Variants in IDE observed in about 807,000 individuals in gnomAD.
IDE encodes the protein insulin degrading enzyme, also known as insulin-degrading enzyme.
In IDE, 58 loss-of-function variants were observed where a neutral mutation model predicts 133.2. The ratio of observed to expected loss-of-function variants is 0.44; its 90% CI spans 0.35 to 0.54. IDE has a LOEUF of 0.54. IDE is among the 20% of genes least tolerant of loss of function. The pLI is 0.00. For missense variants in IDE, 981 were observed against 1,234.0 expected, an observed-to-expected ratio of 0.79 and a Z score of 3.07; for synonymous variants, 396 against 421.3, an observed-to-expected ratio of 0.94 and a Z score of 0.73.
chr10:92,551,560 C>A (rs1790665616), intron 1 of IDE, among the ~76,000 whole-genome samples: 1 of 137,096 alleles, frequency 7.3e-6, no homozygotes, highest in African/African-American at 2.8e-5. Flanking sequence ...GAGCAAGACT[C>A]CATCTCAAAA....
At chr10:92,547,702 CAGA>C (rs1842591814) in intron 1 of IDE, among the ~76,000 whole-genome samples, 1 of 152,132 alleles carries the variant, frequency 6.6e-6, no homozygotes, top group Non-Finnish European at 1.5e-5. Context: ...CTCATATGTA[CAGA>C]AGATGATCTG....
intron 21 of IDE, 119 bp downstream of exon 21, chr10:92,463,612 C>G (rs1355813076): frequency 2.2e-6 from 2 of 909,252 alleles, no homozygotes; most frequent in East Asian, 2.4e-5. Context: ...CATCCCCCCA[C>G]CCCAACTCCC....
At chr10:92,484,959 G>C (rs1049140737) in intron 13 of IDE, among the ~76,000 whole-genome samples, 2 of 151,826 alleles carry the variant, frequency 1.3e-5, no homozygotes, top group Admixed American at 6.6e-5. Flanking sequence ...AAGAGGCTGA[G>C]GTGGGTGGAT....
intron 16 of IDE, among the ~76,000 whole-genome samples, chr10:92,475,346 T>C (rs554470744): frequency 1.4e-4 from 22 of 152,298 alleles, no homozygotes; most frequent in African/African-American, 5.1e-4. Context: ...ATATAAAATA[T>C]GGAATCTTTA....
At chr10:92,529,945 G>A (rs1005609679) in intron 4 of IDE, among the ~76,000 whole-genome samples, 13 of 152,090 alleles carry the variant, frequency 8.5e-5, no homozygotes, top group South Asian at 2.1e-4. Context: ...TTAAATAATC[G>A]CCAGGCGCAG....
At chr10:92,483,136 G>T in intron 14 of IDE, 119 bp downstream of exon 14, 1 of 603,728 alleles carries the variant, frequency 1.7e-6, no homozygotes, top group Middle Eastern at 4.3e-4. Context: ...TCCTTTTCTA[G>T]GTGAAATAAC....
intron 9 of IDE, among the ~76,000 whole-genome samples, chr10:92,507,094 C>T (rs1186861101): frequency 1.5e-5 from 2 of 137,614 alleles, no homozygotes; most frequent in Non-Finnish European, 3.2e-5. Flanking sequence ...AAGACAAACA[C>T]CATTTGTTTT....
At chr10:92,466,155 C>T (rs548951224) in intron 19 of IDE, among the ~76,000 whole-genome samples, 49 of 150,248 alleles carry the variant, frequency 3.3e-4, no homozygotes, top group African/African-American at 1.0e-3. Context: ...CACTTGACCC[C>T]AGGAGTTTGA....
At chr10:92,523,339 C>T (rs1410280827) in intron 4 of IDE, among the ~76,000 whole-genome samples, 3 of 151,836 alleles carry the variant, frequency 2.0e-5, no homozygotes, top group Admixed American at 6.6e-5. Context: ...CGAGATCATG[C>T]GACCGCACTC....
intron 11 of IDE, among the ~76,000 whole-genome samples, chr10:92,503,440 G>C (rs1382520896): frequency 6.6e-6 from 1 of 152,098 alleles, no homozygotes; most frequent in Non-Finnish European, 1.5e-5. Flanking sequence ...CCAAAAAATA[G>C]AATATTTAGC....
At chr10:92,539,267 A>C (rs1842182589) in intron 1 of IDE, among the ~76,000 whole-genome samples, 1 of 152,016 alleles carries the variant, frequency 6.6e-6, no homozygotes, top group African/African-American at 2.4e-5. Flanking sequence ...AATTTTAAAG[A>C]TCAACATATC....
chr10:92,466,244 A>G (rs954066634), intron 19 of IDE, among the ~76,000 whole-genome samples: 19 of 151,568 alleles, frequency 1.3e-4, no homozygotes, highest in African/African-American at 4.4e-4. Context: ...AAAAAAAAAA[A>G]AAAAAAAAGC....
At chr10:92,538,970 C>G (rs1351404522) in intron 1 of IDE, among the ~76,000 whole-genome samples, 2 of 151,968 alleles carry the variant, frequency 1.3e-5, no homozygotes, top group Admixed American at 6.6e-5. Flanking sequence ...TAGATTTAAA[C>G]GTAAGTAAGA....
At chr10:92,512,442 C>T (rs1256700902) in intron 5 of IDE, among the ~76,000 whole-genome samples, 1 of 151,950 alleles carries the variant, frequency 6.6e-6, no homozygotes, top group African/African-American at 2.4e-5. Context: ...CTGTCATTTC[C>T]ACTAAACCAA....
intron 14 of IDE, among the ~76,000 whole-genome samples, chr10:92,481,614 G>T (rs943288644): frequency 1.3e-5 from 2 of 152,148 alleles, no homozygotes; most frequent in Admixed American, 1.3e-4. Flanking sequence ...ATGGATCACA[G>T]GGTTTTAAAA....
Position 92,491,481 on chromosome 10 carries a change from G to T in IDE, c.1431-886C>A, listed in dbSNP as rs74231311. On this transcript the variant is annotated intron_variant, in intron 11 of 24. Coordinates refer to ENST00000265986, the MANE Select transcript of IDE (RefSeq NM_004969.4). ...TACACAGGCCTTCCTGCTACTAGGG[G>T]AGAAAGGGACAAGACCAAAAAATGT... Among the ~76,000 whole-genome samples, 3 of 152,118 alleles carry T rather than the reference G, an allele frequency of 2.0e-5. No homozygotes were observed. The East Asian group carries it at 5.8e-4, about 29-fold the overall frequency.
At chr10:92,497,414 A>C (rs1213239123) in intron 11 of IDE, among the ~76,000 whole-genome samples, 2 of 152,218 alleles carry the variant, frequency 1.3e-5, no homozygotes, top group African/African-American at 4.8e-5. Flanking sequence ...GTAACTACTT[A>C]GCTGGGATAC....
chr10:92,514,951 G>T lies in IDE; in HGVS notation c.753C>A (p.Ser251=). ...CTAAAACACAAACAGCCATTAAGTT[G>T]GATGAATAGTAAGCAGAATGGAATT... ...LLKFHSAYYS[S]NLMAVCVLGR... Residue 251 remains serine (S), a synonymous_variant, in exon 5 of 25, where the codon TCC becomes TCA. Coordinates refer to ENST00000265986, the MANE Select transcript of IDE (RefSeq NM_004969.4). The T allele has an allele frequency of 3.1e-6, 5 of 1,612,542 alleles. No homozygotes were observed. The highest frequency in any genetic ancestry group is 4.2e-6 in the Non-Finnish European group (5 of 1,178,932).
chr10:92,509,996 T>A (rs940562344), intron 6 of IDE, 54 bp downstream of exon 6: 22 of 795,002 alleles, frequency 2.8e-5, no homozygotes, highest in Non-Finnish European at 4.5e-5. Flanking sequence ...GTAAACTAGG[T>A]ATATATTATG....
Sources: allele counts gnomAD v4.1 joint callset (sites outside exome capture counted in the v4.1 genomes callset), GRCh38; gene constraint gnomAD v4.1.1; transcripts MANE v1.5; gene names NCBI Gene and HGNC (gene_info 2026-07-23, HGNC 2026-07-21).